The following MCM5 variants were observed in gnomAD, a reference collection of about 807,000 sequenced individuals.
The protein encoded by MCM5 is minichromosome maintenance complex component 5.
Under a neutral mutation model 79.9 loss-of-function variants are expected in MCM5, and 46 were observed. That is an observed-to-expected ratio of 0.58 (90% CI 0.45 to 0.74). MCM5 has a LOEUF of 0.74. Among genes scored for constraint, MCM5 ranks in the 30% least tolerant of loss-of-function variants. MCM5 has a pLI of 0.00. For missense variants in MCM5, 883 were observed against 1,017.0 expected (o/e 0.87, Z 1.79); for synonymous variants, 404 against 390.5 (o/e 1.03, Z -0.41).
At chr22:35,413,833 C>A (rs762637644) in intron 8 of MCM5, 42 bp from the exon 9 acceptor site, 1 of 1,164,306 alleles carries the variant, frequency 8.6e-7, no homozygotes, top group Non-Finnish European at 1.3e-6. Context: ...ATGCGATGCC[C>A]TCATGGATTC....
At chr22:35,402,980 C>A (rs2145782140) in intron 2 of MCM5, among the ~76,000 whole-genome samples, 1 of 152,248 alleles carries the variant, frequency 6.6e-6, no homozygotes, top group East Asian at 1.9e-4. Context: ...TCTTGTGGAC[C>A]CCTTCCATGG....
intron 11 of MCM5, 105 bp downstream of exon 11, chr22:35,416,509 ATC>A (rs1491265408): frequency 3.9e-6 from 4 of 1,028,590 alleles, no homozygotes; most frequent in East Asian, 3.3e-5. Context: ...CAGGCCTAGA[ATC>A]TGTGTGTGTG....
At chr22:35,449,808 G>T in the MCM5 span, among the ~76,000 whole-genome samples, 1 of 152,050 alleles carries the variant, frequency 6.6e-6, no homozygotes, top group Non-Finnish European at 1.5e-5. Context: ...TAGAGACAGG[G>T]TCTCACTCTG....
chr22:35,427,397 CCA>C (rs1397287302), downstream of MCM5, among the ~76,000 whole-genome samples: 2 of 152,094 alleles, frequency 1.3e-5, no homozygotes, highest in Admixed American at 1.3e-4. Flanking sequence ...GTTAAGCATT[CCA>C]GAGACCAGCT....
the MCM5 span, among the ~76,000 whole-genome samples, chr22:35,433,294 G>T: frequency 5.9e-5 from 9 of 152,264 alleles, no homozygotes; most frequent in African/African-American, 2.2e-4. Context: ...GATCCAGGCA[G>T]TATCAAGTCA....
chr22:35,438,954 TCCAC>T, the MCM5 span, among the ~76,000 whole-genome samples: 9 of 149,134 alleles, frequency 6.0e-5, no homozygotes, highest in Non-Finnish European at 1.2e-4. Context: ...CATCCATGCA[TCCAC>T]CCACCCACAT....
At chr22:35,453,064 G>A in the MCM5 span, among the ~76,000 whole-genome samples, 5 of 152,290 alleles carry the variant, frequency 3.3e-5, no homozygotes, top group Middle Eastern at 3.4e-3. Context: ...GGAGGGTGAC[G>A]GCCTCTTGCT....
intron 9 of MCM5, 102 bp downstream of exon 9, chr22:35,414,088 C>T (rs1032244997): frequency 1.3e-4 from 92 of 706,886 alleles, no homozygotes; most frequent in South Asian, 1.1e-3. Context: ...CTGGCTCACC[C>T]GGAATCTCTT....
At chr22:35,416,905 G>T in intron 12 of MCM5, 91 bp downstream of exon 12, 1 of 1,431,998 alleles carries the variant, frequency 7.0e-7, no homozygotes. Context: ...CAAGGGCCTT[G>T]GCTGGCAAAG....
Position 35,412,861 on chromosome 22 carries a change from CCT to C in MCM5, c.1091+181_1091+182del, listed in dbSNP as rs578155423. Among the ~76,000 whole-genome samples the C allele has an allele frequency of 3.8e-3, 573 of 152,326 alleles. 2 individuals carry two copies. Among genetic ancestry groups the C allele is most frequent in the African/African-American group, 0.013 (553 of 41,578 alleles). Reference sequence around the variant, plus strand: ...AGCTGGCTAGTGGCTGATCTGCGCACCTGTCTCAGCGATGCCCTGACCCTGGC... The same window carrying C: ...AGCTGGCTAGTGGCTGATCTGCGCACGTCTCAGCGATGCCCTGACCCTGGC... On this transcript the variant is annotated intron_variant, in intron 8 of 16. Coordinates refer to ENST00000216122, the MANE Select transcript of MCM5 (RefSeq NM_006739.4).
chr22:35,430,737 C>T, the MCM5 span, among the ~76,000 whole-genome samples: 2 of 151,572 alleles, frequency 1.3e-5, no homozygotes, highest in Non-Finnish European at 2.9e-5. Context: ...GTCTGGAACT[C>T]CTGACCTCCT....
At chr22:35,444,647 A>T in the MCM5 span, among the ~76,000 whole-genome samples, 1 of 152,140 alleles carries the variant, frequency 6.6e-6, no homozygotes, top group Non-Finnish European at 1.5e-5. Flanking sequence ...GTCTGGGAGT[A>T]TGCTGAAGAC....
At chr22:35,428,070 G>T (rs1249143473), downstream of MCM5, among the ~76,000 whole-genome samples, 2 of 150,202 alleles carry the variant, frequency 1.3e-5, no homozygotes, top group East Asian at 2.0e-4. Context: ...GTCCAGGCTG[G>T]AGTGCATTGG....
chr22:35,413,033 A>G (rs1249207278), intron 8 of MCM5, among the ~76,000 whole-genome samples: 1 of 150,764 alleles, frequency 6.6e-6, no homozygotes, highest in Non-Finnish European at 1.5e-5. Flanking sequence ...TGTTCTTCCT[A>G]TGCACAGCCA....
the MCM5 span, among the ~76,000 whole-genome samples, chr22:35,449,657 G>T: frequency 6.6e-6 from 1 of 152,140 alleles, no homozygotes; most frequent in Admixed American, 6.6e-5. Flanking sequence ...CGCCCATGCT[G>T]ACATGTGGCA....
intron 6 of MCM5, among the ~76,000 whole-genome samples, chr22:35,409,059 T>TTAATGCCATTCTCCGGCC (rs1932300848): frequency 6.6e-6 from 1 of 151,754 alleles, no homozygotes; most frequent in Admixed American, 6.6e-5. Flanking sequence ...ACCTCCTGGG[T>TTAATGCCATTCTCCGGCC]TAATGCCATT....
the MCM5 span, among the ~76,000 whole-genome samples, chr22:35,430,650 G>A: frequency 1.3e-5 from 2 of 151,966 alleles, no homozygotes; most frequent in African/African-American, 2.4e-5. Flanking sequence ...CTACAGGCGC[G>A]TGCCACCATG....
At position 35,403,361 on chromosome 22, in the gene MCM5, C is replaced by G. The variant is rs754197602; in HGVS notation, c.294+28C>G. ...GAGTGGGACCCCATCCCTGAGCTTCCCAGGGCTGCTCTGCCCCAGTTACTA... is the reference window on the plus strand; with the variant it reads ...GAGTGGGACCCCATCCCTGAGCTTCGCAGGGCTGCTCTGCCCCAGTTACTA... On this transcript the variant is annotated intron_variant, in intron 3 of 16. Coordinates refer to ENST00000216122, the MANE Select transcript of MCM5 (RefSeq NM_006739.4). 26 of 1,613,952 alleles carry G rather than the reference C, an allele frequency of 1.6e-5. No homozygotes were observed. In the South Asian group the frequency reaches 2.6e-4, roughly 16 times the overall value.
rs373582533 is a variant in MCM5, at chr22:35,412,658, G to A, written c.1068G>A (p.Leu356=). The part of the protein sequence containing the change: ...GTDMKKAIAC[L]LFGGSRKRLP... ...ACATGAAGAAGGCCATTGCCTGCCT[G>A]CTCTTTGGGGGCTCCCGAAAGAGGT... The change falls in exon 8 of 17, where the codon CTG becomes CTA. Residue 356 remains leucine, a synonymous_variant. Coordinates refer to ENST00000216122, the MANE Select transcript of MCM5 (RefSeq NM_006739.4). 264 of 1,515,024 alleles carry A rather than the reference G, an allele frequency of 1.7e-4. No individual in the cohort carries two copies. The highest frequency in any genetic ancestry group is 3.5e-4 in the Middle Eastern group (2 of 5,654). The allele number at this position is 1,515,024 out of a possible 1,614,324, so 93.8% of individuals were successfully genotyped here.
Sources: allele counts gnomAD v4.1 joint callset (sites outside exome capture counted in the v4.1 genomes callset), GRCh38; gene constraint gnomAD v4.1.1; transcripts MANE v1.5; gene names NCBI Gene and HGNC (gene_info 2026-07-23, HGNC 2026-07-21).